SCLT1: variants seen among roughly 807,000 people sequenced by gnomAD.
SCLT1 encodes the protein sodium channel and clathrin linker 1.
In SCLT1, 78 loss-of-function variants were observed where a neutral mutation model predicts 112.8. The ratio of observed to expected loss-of-function variants is 0.69; its 90% confidence interval spans 0.58 to 0.83. The LOEUF (loss-of-function observed/expected upper bound fraction) is 0.83. Among genes scored for constraint, SCLT1 ranks in the 40% least tolerant of loss-of-function variants. The probability of loss-of-function intolerance (pLI) is 0.00; values close to 1 mark genes in which losing one functional copy is unlikely to be tolerated. For missense variants in SCLT1, 747 were observed against 770.4 expected, an observed-to-expected ratio of 0.97 and a Z score of 0.36; for synonymous variants, 257 against 254.7, an observed-to-expected ratio of 1.01 and a Z score of -0.09.
In SCLT1 at chr4:129,073,509, C is replaced by T. The variant is rs1751203279; in HGVS notation, c.102+8797G>A. Among the ~76,000 whole-genome samples, 3 of 152,228 alleles carry T rather than the reference C, an allele frequency of 2.0e-5. No individual in the cohort carries two copies. The South Asian group carries it at 6.2e-4, about 32-fold the overall frequency. The stretch of plus-strand genomic sequence containing the variant: ...ATTTTATAAAACAGTAATATATGGG[C>T]TAATTGATCTACCCATCATTTATAT... On this transcript the variant is annotated intron_variant, in intron 2 of 20. Coordinates refer to ENST00000281142, the MANE Select transcript of SCLT1 (RefSeq NM_144643.4).
chr4:128,959,342 G>A (rs1468074732), intron 12 of SCLT1, among the ~76,000 whole-genome samples: 1 of 151,868 alleles, frequency 6.6e-6, no homozygotes, highest in Non-Finnish European at 1.5e-5. Flanking sequence ...GAGACTACAG[G>A]GGATGAAGAT....
intron 1 of SCLT1, among the ~76,000 whole-genome samples, chr4:129,082,919 C>T (rs552328582): frequency 2.6e-5 from 4 of 152,092 alleles, no homozygotes; most frequent in South Asian, 2.1e-4. Context: ...AGCCCAGGCC[C>T]GGTGACTCAT....
At chr4:128,989,459 T>C (rs1254340785) in intron 9 of SCLT1, among the ~76,000 whole-genome samples, 1 of 151,770 alleles carries the variant, frequency 6.6e-6, no homozygotes, top group Non-Finnish European at 1.5e-5. Context: ...TCACAACCTA[T>C]AGATACAGCA....
chr4:128,978,278 T>C (rs975748450), intron 9 of SCLT1, among the ~76,000 whole-genome samples: 2 of 151,832 alleles, frequency 1.3e-5, no homozygotes, highest in African/African-American at 4.8e-5. Flanking sequence ...AGGTCAGAGG[T>C]GTATACTTGG....
At chr4:129,078,782 G>A (rs1225083074) in intron 2 of SCLT1, among the ~76,000 whole-genome samples, 1 of 152,092 alleles carries the variant, frequency 6.6e-6, no homozygotes. Context: ...TTTTAGTTCT[G>A]CATTAGTCCA....
At chr4:129,066,993 A>G (rs1020908922) in intron 2 of SCLT1, among the ~76,000 whole-genome samples, 2 of 152,150 alleles carry the variant, frequency 1.3e-5, no homozygotes, top group African/African-American at 2.4e-5. Context: ...CTTAACAAAA[A>G]TAAAACATGA....
chr4:129,080,082 C>G lies in SCLT1; in HGVS notation c.102+2224G>C, dbSNP rs113541790. Among the ~76,000 whole-genome samples, 731 of 152,308 alleles carry G rather than the reference C, an allele frequency of 4.8e-3. 4 individuals carry two copies. The highest frequency in any genetic ancestry group is 0.016 in the African/African-American group (663 of 41,572). On this transcript the variant is annotated intron_variant, in intron 2 of 20. Transcript: ENST00000281142. ...GGCAGTGGGGCCCTGGGCCTGCCCC[C>G]ACAAAATCATTCTTCCCTCCTATGT...
rs553705142 is a variant in SCLT1, at chr4:129,093,297, C to T, written c.-194G>A. 1 of 611,606 alleles carries T rather than the reference C, an allele frequency of 1.6e-6. No homozygotes were observed. Among genetic ancestry groups the T allele is most frequent in the East Asian group, 2.7e-5 (1 of 36,388 alleles). The allele number at this position is 611,606 out of a possible 1,614,324, so 37.9% of individuals were successfully genotyped here. A position where few individuals can be genotyped will look rare whatever the true frequency, so the allele number is the denominator to read the frequency against. On this transcript the variant is annotated 5_prime_UTR_variant, in exon 1 of 21. Coordinates refer to ENST00000281142, the MANE Select transcript of SCLT1 (RefSeq NM_144643.4). ...CTTTCCCCCGCGCCCCAGACGAGTC[C>T]CTGGCCCTGGTGAGAGACTGAAGAT...
intron 18 of SCLT1, among the ~76,000 whole-genome samples, chr4:128,915,174 A>G (rs1476222109): frequency 6.6e-6 from 1 of 152,230 alleles, no homozygotes; most frequent in Non-Finnish European, 1.5e-5. Flanking sequence ...ATGTTCATAT[A>G]TAGATACCGA....
intron 5 of SCLT1, among the ~76,000 whole-genome samples, chr4:129,031,723 G>T (rs984920023): frequency 5.3e-5 from 8 of 152,036 alleles, no homozygotes; most frequent in Admixed American, 1.3e-4. Context: ...GCTACAAAGA[G>T]AATAAAATAC....
At chr4:129,046,020 A>G (rs1310418432) in intron 2 of SCLT1, among the ~76,000 whole-genome samples, 1 of 152,162 alleles carries the variant, frequency 6.6e-6, no homozygotes. Context: ...AAGAATGAGT[A>G]GATGAAAGGA....
At chr4:129,020,100 C>G (rs912847513) in intron 5 of SCLT1, among the ~76,000 whole-genome samples, 1 of 152,204 alleles carries the variant, frequency 6.6e-6, no homozygotes, top group Non-Finnish European at 1.5e-5. Flanking sequence ...TGAGACACAG[C>G]CATATTACAT....
intron 5 of SCLT1, among the ~76,000 whole-genome samples, chr4:129,027,876 C>A (rs1746275058): frequency 6.6e-6 from 1 of 152,132 alleles, no homozygotes; most frequent in Admixed American, 6.5e-5. Context: ...TTCTTATACA[C>A]CAATAACAGA....
intron 15 of SCLT1, among the ~76,000 whole-genome samples, chr4:128,946,385 A>T (rs1404068364): frequency 6.6e-6 from 1 of 152,188 alleles, no homozygotes; most frequent in Non-Finnish European, 1.5e-5. Context: ...CCTGGGCAAC[A>T]TAGCAAGACC....
Position 128,992,222 on chromosome 4 carries a change from GA to G in SCLT1, c.630del (p.Leu211Ter). On this transcript the variant is annotated frameshift_variant, in exon 9 of 21. Coordinates refer to ENST00000281142, the MANE Select transcript of SCLT1 (RefSeq NM_144643.4). LOFTEE classifies it high-confidence loss of function. ...NENMEVTNQQFLKTVTEQSVI... is the reference protein window; with the variant it reads ...NENMEVTNQQXLKTVTEQSVI... ...ACACTTTGTTCAGTTACTGTTTTCA[GA>G]AACTGTTGGTTAGTCTGCCACAAGA... 1 of 1,597,700 alleles carries G rather than the reference GA, an allele frequency of 6.3e-7. No individual in the cohort carries two copies. Among genetic ancestry groups the G allele is most frequent in the Non-Finnish European group, 8.5e-7 (1 of 1,170,480 alleles).
chr4:128,964,778 A>T (rs1740034241), intron 11 of SCLT1, among the ~76,000 whole-genome samples: 1 of 152,202 alleles, frequency 6.6e-6, no homozygotes, highest in African/African-American at 2.4e-5. Context: ...ACCACTCTTT[A>T]GAAGAAAGAA....
chr4:129,082,192 T>C (rs955289687), intron 2 of SCLT1, 114 bp downstream of exon 2: 4 of 454,420 alleles, frequency 8.8e-6, no homozygotes, highest in Admixed American at 3.8e-5. Flanking sequence ...TTTACTTTCA[T>C]TAAGCAAAAA....
intron 2 of SCLT1, among the ~76,000 whole-genome samples, chr4:129,044,323 T>C (rs1172457107): frequency 6.6e-6 from 1 of 152,084 alleles, no homozygotes; most frequent in Non-Finnish European, 1.5e-5. Flanking sequence ...ACATCAATTA[T>C]AATTTAAAGG....
intron 18 of SCLT1, among the ~76,000 whole-genome samples, chr4:128,897,097 C>G (rs1166184134): frequency 2.6e-5 from 4 of 152,192 alleles, no homozygotes; most frequent in African/African-American, 9.7e-5. Flanking sequence ...GGAAAACACT[C>G]TGCAGGATAT....
Sources: gnomAD v4.1 joint callset for allele counts (sites outside exome capture counted in the v4.1 genomes callset) on GRCh38, gnomAD v4.1.1 for gene constraint, MANE v1.5 for transcripts, NCBI Gene and HGNC (gene_info 2026-07-23, HGNC 2026-07-21) for gene names.